DST: variants seen among roughly 807,000 people sequenced by gnomAD.
DST encodes the protein bullous pemphigoid antigen.
DST carries 253 observed loss-of-function variants against 875.2 expected under a neutral mutation model. The ratio of observed to expected loss-of-function variants is 0.29; its 90% CI spans 0.26 to 0.32. The LOEUF (loss-of-function observed/expected upper bound fraction) is 0.32. Ranked by LOEUF, DST falls within the 10% of genes least tolerant of loss-of-function variation. The probability of loss-of-function intolerance (pLI) is 1.00; values close to 1 mark genes in which losing one functional copy is unlikely to be tolerated. For synonymous variants in DST, 3,124 were observed against 3,197.1 expected (o/e 0.98, Z 0.77); for missense variants, 8,287 against 9,111.6 (o/e 0.91, Z 3.68).
chr6:56,702,996 AAGGGGCACT>A (rs566212542), intron 7 of DST, among the ~76,000 whole-genome samples: 200 of 152,302 alleles, frequency 1.3e-3, no homozygotes, highest in Non-Finnish European at 2.2e-3. Context: ...CAGTAAAATC[AAGGGGCACT>A]AGGTATGTAG....
At chr6:56,766,786 C>G (rs1333260197) in intron 4 of DST, among the ~76,000 whole-genome samples, 1 of 152,196 alleles carries the variant, frequency 6.6e-6, no homozygotes, top group Non-Finnish European at 1.5e-5. Flanking sequence ...CCGCCTCAAT[C>G]TCCCAAAGTG....
At chr6:56,728,283 T>G (rs1027120926) in intron 5 of DST, among the ~76,000 whole-genome samples, 8 of 152,222 alleles carry the variant, frequency 5.3e-5, no homozygotes, top group Non-Finnish European at 1.0e-4. Flanking sequence ...TGAAATAATT[T>G]TAGGTTCAAA....
At chr6:56,617,767 C>T (rs976457890) in intron 36 of DST, among the ~76,000 whole-genome samples, 1 of 152,160 alleles carries the variant, frequency 6.6e-6, no homozygotes, top group East Asian at 1.9e-4. Context: ...ATATCTATTA[C>T]ATCTGTATGT....
At position 56,552,992 on chromosome 6, in the gene DST, C is replaced by T; in HGVS notation, c.15800G>A (p.Cys5267Tyr). The part of the protein sequence containing the change: ...VTEQLHSKKF[C>Y]LENMTQKFKE... ...AAACTTCTGAGTCATGTTCTCCAGA[C>T]AGAATTTCTTACTGTGAAGTTGTTC... The change falls in exon 61 of 104, where the codon TGT becomes TAT. Residue 5267 changes from cysteine (C) to tyrosine (Y), a missense_variant. Physicochemically the swap from Cys to Tyr is radical, Grantham distance 194. Coordinates refer to ENST00000680361, the MANE Select transcript of DST (RefSeq NM_001374736.1). The T allele has an allele frequency of 6.2e-7, 1 of 1,613,970 alleles. No homozygotes were observed. The highest frequency in any genetic ancestry group is 8.5e-7 in the Non-Finnish European group (1 of 1,179,888).
At chr6:56,860,367 TAAAAC>T (rs985557075) in intron 3 of DST, among the ~76,000 whole-genome samples, 48 of 152,000 alleles carry the variant, frequency 3.2e-4, no homozygotes, top group Non-Finnish European at 6.3e-4. Flanking sequence ...GAAGAGGGGA[TAAAAC>T]AAAACAGAAA....
rs2098535204 is a variant in DST, at chr6:56,610,422, A to G, written c.5283+5T>C. The G allele has an allele frequency of 1.3e-6, 2 of 1,541,176 alleles. No individual in the cohort carries two copies. Among genetic ancestry groups the G allele is most frequent in the Non-Finnish European group, 1.7e-6 (2 of 1,143,668 alleles). On this transcript the variant is annotated splice_donor_5th_base_variant and intron_variant, in intron 39 of 103. Coordinates refer to ENST00000680361, the MANE Select transcript of DST (RefSeq NM_001374736.1). Reference sequence around the variant, plus strand: ...ACAGCCTCATGTTTAAATAAATAATATTACCTTCTCCTCTACCTTTACATC... The same window carrying G: ...ACAGCCTCATGTTTAAATAAATAATGTTACCTTCTCCTCTACCTTTACATC...
intron 3 of DST, among the ~76,000 whole-genome samples, chr6:56,868,556 G>A (rs78645122): frequency 0.037 from 5,633 of 152,012 alleles, 147 homozygotes; most frequent in Non-Finnish European, 0.06. Context: ...ACAACTCACC[G>A]TCCTCTCAAA....
At chr6:56,566,571 T>G (rs1437236726) in intron 55 of DST, among the ~76,000 whole-genome samples, 1 of 152,146 alleles carries the variant, frequency 6.6e-6, no homozygotes, top group Non-Finnish European at 1.5e-5. Context: ...GGTACCTCAG[T>G]TGGAAATGCA....
intron 4 of DST, among the ~76,000 whole-genome samples, chr6:56,783,497 T>C (rs2099698603): frequency 6.6e-6 from 1 of 152,196 alleles, no homozygotes; most frequent in Non-Finnish European, 1.5e-5. Context: ...TTTGTCTCTT[T>C]TGATCTTTGT....
Position 56,535,237 on chromosome 6 carries a change from T to C in DST, c.16826A>G (p.Gln5609Arg). The change falls in exon 63 of 104, where the codon CAG (glutamine) becomes CGG (arginine). Residue 5609 changes from glutamine to arginine, a missense_variant. This residue lies in a region of DST where 777 missense variants were observed against 764.8 expected (regional missense o/e 1.02). Transcript: ENST00000680361. ...GCTGAGCAGGGACTCCAGGGCATCC[T>C]GGAACCTCCCACAGTGCAGCAAGGC... ...QEALLHCGRF[Q>R]DALESLLSWM... 2 of 1,612,764 alleles carry C rather than the reference T, an allele frequency of 1.2e-6. No homozygotes were observed. Among genetic ancestry groups the C allele is most frequent in the Non-Finnish European group, 1.7e-6 (2 of 1,179,452 alleles).
At chr6:56,474,051 C>G in intron 92 of DST, 49 bp from the exon 93 acceptor site, 1 of 1,509,790 alleles carries the variant, frequency 6.6e-7, no homozygotes, top group Non-Finnish European at 8.9e-7. Context: ...CTACAGAAAA[C>G]CGTCTTTAGA....
chr6:56,929,727 C>A (rs1214081723), intron 2 of DST, among the ~76,000 whole-genome samples: 1 of 152,008 alleles, frequency 6.6e-6, no homozygotes, highest in East Asian at 1.9e-4. Flanking sequence ...ATTTTTAATC[C>A]CCCAATTTAC....
intron 50 of DST, among the ~76,000 whole-genome samples, chr6:56,576,528 T>C (rs2097865334): frequency 6.6e-6 from 1 of 152,080 alleles, no homozygotes; most frequent in South Asian, 2.1e-4. Context: ...TGAACTGAAT[T>C]GAATTATAGG....
chr6:56,509,635 G>A lies in DST; in HGVS notation c.19012+7C>T. Reference sequence around the variant, plus strand: ...TAAAATTTGTTTCCCTATTCCAAAAGTATTACCTTTGGCAGATATGTCTTT... The same window carrying A: ...TAAAATTTGTTTCCCTATTCCAAAAATATTACCTTTGGCAGATATGTCTTT... On this transcript the variant is annotated splice_region_variant and intron_variant, in intron 74 of 103. Coordinates refer to ENST00000680361, the MANE Select transcript of DST (RefSeq NM_001374736.1). 6.2e-7 allele frequency: 1 copy of A among 1,605,636 alleles called. No homozygotes were observed. Among genetic ancestry groups the A allele is most frequent in the Non-Finnish European group, 8.5e-7 (1 of 1,173,376 alleles).
At chr6:56,694,489 G>C (rs7767128) in intron 9 of DST, among the ~76,000 whole-genome samples, 39,464 of 151,996 alleles carry the variant, frequency 0.26, 6,303 homozygotes, top group African/African-American at 0.44. Flanking sequence ...TCCCAGAAGA[G>C]AAGCTGGTAA....
chr6:56,597,746 T>A lies in DST; in HGVS notation c.12189A>T (p.Lys4063Asn), dbSNP rs906651165. ...TQENLNQQYQ[K>N]VKAQHEKIIS... ...TATGTTTATAACAACACACCTTAAC[T>A]TTCTGATATTGCTGATTCAGATTCT... Residue 4063 changes from lysine (K) to asparagine (N), a missense_variant, in exon 47 of 104, where the codon AAA (lysine) becomes AAT (asparagine). Around this residue, in one of 10 missense-constraint regions of DST, gnomAD observed 1,513 missense variants for 1,677.8 expected, o/e 0.90. Transcript: ENST00000680361. 3.1e-6 allele frequency: 5 copies of A among 1,613,352 alleles called. No individual in the cohort carries two copies.
chr6:56,489,101 A>G (rs1166724593), intron 86 of DST, among the ~76,000 whole-genome samples: 2 of 152,198 alleles, frequency 1.3e-5, no homozygotes, highest in African/African-American at 4.8e-5. Context: ...AATATCTATT[A>G]CTTTTTACTA....
At position 56,570,242 on chromosome 6, in the gene DST, G is replaced by C. The variant is rs145378939; in HGVS notation, c.13722-230C>G. On this transcript the variant is annotated intron_variant, in intron 53 of 103. Coordinates refer to ENST00000680361, the MANE Select transcript of DST (RefSeq NM_001374736.1). ...GATAATTTTTTCCACAGGCCAGGGA[G>C]GGGGGATGGTTTTGGGATGATTAAA... Among the ~76,000 whole-genome samples, 43 of 152,206 alleles carry C rather than the reference G, an allele frequency of 2.8e-4. No individual in the cohort carries two copies. The East Asian group carries it at 7.9e-3, about 28-fold the overall frequency.
At chr6:56,853,025 TTTTA>T (rs1327167476) in intron 3 of DST, among the ~76,000 whole-genome samples, 2 of 152,236 alleles carry the variant, frequency 1.3e-5, no homozygotes, top group African/African-American at 4.8e-5. Context: ...CATTATTTTA[TTTTA>T]TTTATTTTTC....
Sources: allele counts gnomAD v4.1 joint callset (sites outside exome capture counted in the v4.1 genomes callset), GRCh38; gene constraint gnomAD v4.1.1; regional missense constraint gnomAD v4.1.1; transcripts MANE v1.5; gene names NCBI Gene and HGNC (gene_info 2026-07-23, HGNC 2026-07-21).